Variants in RYR3 observed in about 807,000 individuals in gnomAD.
RYR3 encodes the protein brain ryanodine receptor-calcium release channel.
In RYR3, 207 loss-of-function variants were observed where a neutral mutation model predicts 584.3. That is an observed-to-expected ratio of 0.35 (90% CI 0.32 to 0.40). The LOEUF is 0.40. Among genes scored for constraint, RYR3 ranks in the 10% least tolerant of loss-of-function variants. The pLI is 1.00. For synonymous variants in RYR3, 2,416 were observed against 2,248.5 expected (o/e 1.07, Z -2.11); for missense variants, 5,616 against 6,089.2 (o/e 0.92, Z 2.59).
At chr15:33,675,374 A>AC (rs1251180328) in intron 38 of RYR3, among the ~76,000 whole-genome samples, 1 of 152,268 alleles carries the variant, frequency 6.6e-6, no homozygotes, top group African/African-American at 2.4e-5. Context: ...GAGGTGGCAT[A>AC]AAACTTCAAA....
chr15:33,554,291 CT>C (rs71117147), intron 10 of RYR3, among the ~76,000 whole-genome samples: 1,862 of 126,432 alleles, frequency 0.015, 21 homozygotes, highest in African/African-American at 0.051. Context: ...CCTCCATTAT[CT>C]TTTTTTTTTT....
chr15:33,861,806 A>C (rs1348836668), intron 102 of RYR3, among the ~76,000 whole-genome samples: 1 of 151,882 alleles, frequency 6.6e-6, no homozygotes, highest in Non-Finnish European at 1.5e-5. Context: ...GTCTGTTTTC[A>C]TACTGCCTTT....
At chr15:33,627,820 C>T (rs2061069793) in intron 20 of RYR3, among the ~76,000 whole-genome samples, 1 of 151,656 alleles carries the variant, frequency 6.6e-6, no homozygotes. Context: ...TTGGAATGGT[C>T]CAGGGAGAAA....
At chr15:33,512,770 G>T (rs374726458) in intron 3 of RYR3, among the ~76,000 whole-genome samples, 65 of 152,288 alleles carry the variant, frequency 4.3e-4, no homozygotes, top group South Asian at 2.9e-3. Context: ...ATATTTGTTG[G>T]TGGTGGTGGT....
chr15:33,646,381 C>G lies in RYR3; in HGVS notation c.3796C>G (p.Pro1266Ala). The G allele has an allele frequency of 6.2e-7, 1 of 1,612,302 alleles. No individual in the cohort carries two copies. Among genetic ancestry groups the G allele is most frequent in the Non-Finnish European group, 8.5e-7 (1 of 1,178,750 alleles). The change falls in exon 29 of 104, where the codon CCT becomes GCT. Residue 1266 changes from proline to alanine, a missense_variant. Around this residue, in one of 9 missense-constraint regions of RYR3, gnomAD observed 753 missense variants for 741.0 expected, o/e 1.02. Transcript: ENST00000634891. ...GAGGATTGATGGCACCATGGACAGCCCTCCGTGTCTCAAGGTGACGCATAA... is the reference window on the plus strand; with the variant it reads ...GAGGATTGATGGCACCATGGACAGCGCTCCGTGTCTCAAGGTGACGCATAA... ...VMRIDGTMDS[P>A]PCLKVTHKTF...
intron 36 of RYR3, among the ~76,000 whole-genome samples, chr15:33,665,127 T>C (rs1274482901): frequency 6.6e-6 from 1 of 152,202 alleles, no homozygotes; most frequent in Non-Finnish European, 1.5e-5. Flanking sequence ...GCATATTCCC[T>C]ATTTCACTGG....
rs374463865 is a variant in RYR3 at position 33,636,438 on chromosome 15, C to T, written c.3444C>T (p.Val1148=). The part of the protein sequence containing the change: ...FGRTWQPGDV[V]GCMINLDDAS... ...GTACCTGGCAGCCAGGGGATGTGGTCGGATGTATGATTAACCTGGATGATG... is the reference window on the plus strand; with the variant it reads ...GTACCTGGCAGCCAGGGGATGTGGTTGGATGTATGATTAACCTGGATGATG... The change falls in exon 27 of 104, where the codon GTC becomes GTT. Residue 1148 remains valine, a synonymous_variant. Coordinates refer to ENST00000634891, the MANE Select transcript of RYR3 (RefSeq NM_001036.6). 7.4e-6 allele frequency: 12 copies of T among 1,613,656 alleles called. No homozygotes were observed. Among genetic ancestry groups the T allele is most frequent in the East Asian group, 2.2e-5 (1 of 44,886 alleles).
At chr15:33,695,796 T>C (rs772808217) in intron 38 of RYR3, among the ~76,000 whole-genome samples, 2 of 151,942 alleles carry the variant, frequency 1.3e-5, no homozygotes, top group Non-Finnish European at 2.9e-5. Flanking sequence ...AAAAAAATTT[T>C]TTTTTTTGAG....
chr15:33,827,387 C>A (rs975432039), intron 85 of RYR3, 100 bp downstream of exon 85: 1 of 1,082,546 alleles, frequency 9.2e-7, no homozygotes. Context: ...ACAGTCAAGC[C>A]CCTATAAGGA....
chr15:33,507,823 A>G (rs1017983036), intron 3 of RYR3, among the ~76,000 whole-genome samples: 1 of 151,770 alleles, frequency 6.6e-6, no homozygotes, highest in Non-Finnish European at 1.5e-5. Flanking sequence ...TACTTTCCAC[A>G]TCTTCAAGAT....
chr15:33,577,730 G>A (rs2058369511), intron 12 of RYR3, among the ~76,000 whole-genome samples: 1 of 152,058 alleles, frequency 6.6e-6, no homozygotes, highest in African/African-American at 2.4e-5. Context: ...TTATAAAAAT[G>A]TCAAAAGCAA....
At chr15:33,604,140 C>T (rs1212762719) in intron 18 of RYR3, among the ~76,000 whole-genome samples, 2 of 152,230 alleles carry the variant, frequency 1.3e-5, no homozygotes, top group Admixed American at 6.5e-5. Flanking sequence ...CAATTGGAGA[C>T]GTCGCGTCCC....
chr15:33,472,189 A>G (rs1596289072), intron 1 of RYR3, among the ~76,000 whole-genome samples: 2 of 152,306 alleles, frequency 1.3e-5, no homozygotes, highest in Admixed American at 1.3e-4. Flanking sequence ...CGTTTCATAC[A>G]TCTACAACTT....
At chr15:33,686,247 C>A (rs2065001880) in intron 38 of RYR3, among the ~76,000 whole-genome samples, 1 of 152,106 alleles carries the variant, frequency 6.6e-6, no homozygotes. Flanking sequence ...GGGATGATAT[C>A]ACCACCAATC....
chr15:33,348,894 A>G (rs915352330), intron 1 of RYR3, among the ~76,000 whole-genome samples: 4 of 151,966 alleles, frequency 2.6e-5, no homozygotes, highest in African/African-American at 9.7e-5. Context: ...AGAATAGTTT[A>G]TCACCCTAAA....
chr15:33,771,755 C>G (rs1050994802), intron 62 of RYR3, among the ~76,000 whole-genome samples, 165 bp from the exon 63 acceptor site: 1 of 152,138 alleles, frequency 6.6e-6, no homozygotes, highest in African/African-American at 2.4e-5. Flanking sequence ...TTGTGTGATT[C>G]AGGTTTCTTC....
At chr15:33,727,934 C>T (rs568141163) in intron 46 of RYR3, among the ~76,000 whole-genome samples, 1 of 152,254 alleles carries the variant, frequency 6.6e-6, no homozygotes, top group South Asian at 2.1e-4. Context: ...ATAGTATTTC[C>T]CCACTTCACC....
intron 1 of RYR3, among the ~76,000 whole-genome samples, chr15:33,436,020 C>T (rs2045695568): frequency 6.6e-6 from 1 of 152,144 alleles, no homozygotes; most frequent in African/African-American, 2.4e-5. Context: ...CTGATTGGTC[C>T]ATTTTACAAA....
rs2065975209 is a variant in RYR3 at position 33,697,948 on chromosome 15, G to A, written c.6201G>A (p.Glu2067=). 2 of 1,613,936 alleles carry A rather than the reference G, an allele frequency of 1.2e-6. No homozygotes were observed. Among genetic ancestry groups the A allele is most frequent in the East Asian group, 4.5e-5 (2 of 44,874 alleles). ...TCATGAGAGTCCTGGGCATGCACGA[G>A]ACGGTGATGGAGGTGATGGTGAACG... The part of the protein sequence containing the change: ...PNLMRVLGMH[E]TVMEVMVNVL... Residue 2067 remains glutamate (E), a synonymous_variant, in exon 40 of 104, where the codon GAG becomes GAA. Coordinates refer to ENST00000634891, the MANE Select transcript of RYR3 (RefSeq NM_001036.6).
Sources: gnomAD v4.1 joint callset for allele counts (sites outside exome capture counted in the v4.1 genomes callset) on GRCh38, gnomAD v4.1.1 for gene constraint, gnomAD v4.1.1 regional missense constraint, MANE v1.5 for transcripts, NCBI Gene and HGNC (gene_info 2026-07-23, HGNC 2026-07-21) for gene names.